Variants in SLC18A1 observed in about 807,000 individuals in gnomAD.
SLC18A1 encodes solute carrier family 18 member A1.
A neutral mutation model predicts 53.7 loss-of-function variants in SLC18A1; 69 were observed. The observed-to-expected ratio is 1.28, with a 90% CI of 1.06 to 1.57. SLC18A1 has a LOEUF of 1.57. Ranked by LOEUF, SLC18A1 falls within the 40% of genes most tolerant of loss-of-function variation. The probability of loss-of-function intolerance (pLI) is 0.00; values close to 1 mark genes in which losing one functional copy is unlikely to be tolerated. For missense variants in SLC18A1, 932 were observed against 668.1 expected (o/e 1.40, Z -4.35); for synonymous variants, 320 against 248.1 (o/e 1.29, Z -2.72).
intron 2 of SLC18A1, among the ~76,000 whole-genome samples, chr8:20,179,692 G>T (rs1160412573): frequency 1.3e-5 from 2 of 152,180 alleles, no homozygotes; most frequent in African/African-American, 4.8e-5. Context: ...ATCTGGAGTG[G>T]CATGGTTAAA....
chr8:20,157,419 G>T (rs1309440784), intron 10 of SLC18A1, among the ~76,000 whole-genome samples: 2 of 152,178 alleles, frequency 1.3e-5, no homozygotes, highest in Non-Finnish European at 2.9e-5. Context: ...TCCTAGTGTA[G>T]ACTCTCATTA....
chr8:20,161,044 A>T (rs1585203314), intron 10 of SLC18A1, among the ~76,000 whole-genome samples: 1 of 152,226 alleles, frequency 6.6e-6, no homozygotes. Context: ...TTTCCAACAC[A>T]CAAATTTTGG....
intron 11 of SLC18A1, among the ~76,000 whole-genome samples, chr8:20,150,241 T>C (rs2128868226): frequency 6.6e-6 from 1 of 152,328 alleles, no homozygotes; most frequent in East Asian, 1.9e-4. Flanking sequence ...GAATGGAGAC[T>C]CATAGCTCTT....
At chr8:20,152,374 A>T (rs1191909823) in intron 10 of SLC18A1, among the ~76,000 whole-genome samples, 1 of 152,214 alleles carries the variant, frequency 6.6e-6, no homozygotes, top group African/African-American at 2.4e-5. Context: ...AGTGGAAGTC[A>T]GACTATTTGC....
At chr8:20,173,269 G>T (rs575507751) in intron 5 of SLC18A1, 141 bp from the exon 6 acceptor site, 1 of 651,766 alleles carries the variant, frequency 1.5e-6, no homozygotes, top group Non-Finnish European at 2.6e-6. Context: ...AACTTAACCC[G>T]TAGTATTTTT....
chr8:20,150,711 A>G lies in SLC18A1; in HGVS notation c.1049T>C (p.Leu350Pro), dbSNP rs1299435367. ...CACACCAAAGAGGTTGGTGCCAATG[A>G]GGTAGGACACACTGGCAGGCAAGAA... ...LAFLPASVSY[L>P]IGTNLFGVLA... is the part of the protein sequence containing the mutation. Residue 350 changes from leucine to proline, a missense_variant, in exon 11 of 16, where the codon CTC becomes CCC. Coordinates refer to ENST00000276373, the MANE Select transcript of SLC18A1 (RefSeq NM_003053.4). 6.2e-7 allele frequency: 1 copy of G among 1,614,040 alleles called. No individual in the cohort carries two copies. Among genetic ancestry groups the G allele is most frequent in the Non-Finnish European group, 8.5e-7 (1 of 1,180,022 alleles).
At chr8:20,175,375 A>G (rs2072230240) in intron 4 of SLC18A1, 1 of 152,248 alleles carries the variant, frequency 6.6e-6, no homozygotes, top group Admixed American at 6.5e-5. Context: ...TGGGATTAAG[A>G]GATTAAAGTA....
intron 4 of SLC18A1, chr8:20,175,795 A>G (rs2072237961): frequency 6.6e-6 from 1 of 152,032 alleles, no homozygotes; most frequent in African/African-American, 2.4e-5. Context: ...ATCTTCTCCC[A>G]TTACTTCCCG....
chr8:20,160,552 G>C (rs1201151757), intron 10 of SLC18A1, among the ~76,000 whole-genome samples: 3 of 151,976 alleles, frequency 2.0e-5, no homozygotes, highest in Non-Finnish European at 2.9e-5. Context: ...AAGTAAAATT[G>C]TACAAATAAT....
intron 10 of SLC18A1, among the ~76,000 whole-genome samples, chr8:20,154,806 G>A (rs903451068): frequency 1.3e-5 from 2 of 152,154 alleles, no homozygotes; most frequent in African/African-American, 4.8e-5. Context: ...GTCCGTGTTT[G>A]TTCTGGCTCG....
intron 8 of SLC18A1, among the ~76,000 whole-genome samples, chr8:20,167,129 A>G (rs970848019): frequency 6.6e-6 from 1 of 151,298 alleles, no homozygotes; most frequent in Non-Finnish European, 1.5e-5. Context: ...CTAAAACTAA[A>G]TGCCAAAAAA....
intron 5 of SLC18A1, among the ~76,000 whole-genome samples, chr8:20,173,399 T>C (rs1286494407): frequency 2.6e-5 from 4 of 152,346 alleles, no homozygotes; most frequent in African/African-American, 9.6e-5. Flanking sequence ...GATTATACCA[T>C]GTTTCATAAC....
At chr8:20,146,190 C>G (rs111500426) in intron 15 of SLC18A1, among the ~76,000 whole-genome samples, 1 of 152,174 alleles carries the variant, frequency 6.6e-6, no homozygotes, top group African/African-American at 2.4e-5. Context: ...GCTGGGATTA[C>G]AGGCGTGAGC....
intron 11 of SLC18A1, among the ~76,000 whole-genome samples, chr8:20,150,046 G>T (rs746395423): frequency 3.3e-5 from 5 of 152,184 alleles, no homozygotes; most frequent in Non-Finnish European, 7.4e-5. Flanking sequence ...CTTAACTCAT[G>T]CTGTTGCCCA....
intron 10 of SLC18A1, among the ~76,000 whole-genome samples, chr8:20,154,004 C>T (rs773731896): frequency 4.6e-5 from 7 of 152,120 alleles, no homozygotes; most frequent in East Asian, 1.9e-4. Flanking sequence ...CCCATCCTCA[C>T]GGTAATGAGT....
At chr8:20,155,602 C>G in intron 10 of SLC18A1, among the ~76,000 whole-genome samples, 1 of 152,190 alleles carries the variant, frequency 6.6e-6, no homozygotes, top group East Asian at 1.9e-4. Context: ...ACCCCTACCT[C>G]TTCTTCTGAC....
At position 20,147,995 on chromosome 8, in the gene SLC18A1, G is replaced by T; in HGVS notation, c.1210+12C>A. On this transcript the variant is annotated intron_variant, in intron 13 of 15. Transcript: ENST00000276373. ...GCAGGGGCTTATTGTTTTCTTTGAG[G>T]GCACTTCTTACCTATGGCAAGGCCA... is the stretch of plus-strand genomic sequence containing the variant. 2.5e-6 allele frequency: 4 copies of T among 1,613,616 alleles called. No homozygotes were observed. The South Asian group carries it at 4.4e-5, about 18-fold the overall frequency.
intron 5 of SLC18A1, among the ~76,000 whole-genome samples, chr8:20,174,149 G>T (rs752092186): frequency 2.0e-5 from 3 of 152,080 alleles, no homozygotes; most frequent in Admixed American, 6.6e-5. Flanking sequence ...CTAGAATCAA[G>T]CTATCCTCCT....
intron 2 of SLC18A1, among the ~76,000 whole-genome samples, chr8:20,179,985 A>ATCCCAACTC (rs1399893814): frequency 6.6e-6 from 1 of 152,172 alleles, no homozygotes; most frequent in Non-Finnish European, 1.5e-5. Flanking sequence ...CAGGGTTTGA[A>ATCCCAACTC]TCCCAACTCT....
Sources: allele counts gnomAD v4.1 joint callset (sites outside exome capture counted in the v4.1 genomes callset), GRCh38; gene constraint gnomAD v4.1.1; transcripts MANE v1.5; gene names NCBI Gene and HGNC (gene_info 2026-07-23, HGNC 2026-07-21).